CCDC187: variants seen among roughly 807,000 people sequenced by gnomAD.
CCDC187 encodes the protein coiled-coil domain-containing protein 187.
In CCDC187, 32 loss-of-function variants were observed where a neutral mutation model predicts 38.0. The observed-to-expected ratio is 0.84, with a 90% CI of 0.64 to 1.13. CCDC187 has a LOEUF of 1.13. Among genes scored for constraint, CCDC187 ranks in the 50% most tolerant of loss-of-function variants. The probability of loss-of-function intolerance (pLI) is 0.00; values close to 1 mark genes in which losing one functional copy is unlikely to be tolerated. For missense variants in CCDC187, 707 were observed against 786.8 expected (o/e 0.90, Z 1.21); for synonymous variants, 333 against 347.9 (o/e 0.96, Z 0.48).
In CCDC187 at chr9:136,254,196, T is replaced by C. The variant is rs1830584066; in HGVS notation, c.5632A>G (p.Ile1878Val). 1 of 985,178 alleles carries C rather than the reference T, an allele frequency of 1.0e-6. No homozygotes were observed. The highest frequency in any genetic ancestry group is 1.7e-5 in the African/African-American group (1 of 57,144). 61.0% of individuals were successfully genotyped at this position (985,178 alleles called of 1,614,324 possible). The part of the protein sequence containing the change: ...EAAGVVFPLQ[I>V]SSAGDSDSLL... ...GAGTCCGAGTCACCGGCAGAAGAGA[T>C]TTGCAGCGGGAACACCACACCGGCG... Residue 1878 changes from isoleucine (I) to valine (V), a missense_variant, in exon 26 of 26, where the codon ATC becomes GTC. Physicochemically the swap from Ile to Val is conservative, Grantham distance 29 (BLOSUM62 3). Coordinates refer to ENST00000638797, the MANE Select transcript of CCDC187 (RefSeq NM_001378188.1).
chr9:136,291,683 G>A (rs990581652), intron 5 of CCDC187, 38 bp from the exon 6 acceptor site: 19 of 398,590 alleles, frequency 4.8e-5, no homozygotes, highest in East Asian at 1.8e-4. Flanking sequence ...GGAGGGGAGC[G>A]GAGGGGAGAG....
At chr9:136,267,325 G>A (rs1395523207) in intron 16 of CCDC187, 59 bp downstream of exon 16, 1 of 976,870 alleles carries the variant, frequency 1.0e-6, no homozygotes, top group African/African-American at 1.8e-5. Flanking sequence ...CAGCAGGGCG[G>A]GGCTACAGCA....
intron 7 of CCDC187, among the ~76,000 whole-genome samples, chr9:136,287,741 G>T (rs1334008604): frequency 1.3e-5 from 2 of 152,218 alleles, no homozygotes; most frequent in African/African-American, 2.4e-5. Context: ...TCCTGCTCAC[G>T]TGAGGGTCCT....
Position 136,291,321 on chromosome 9 carries a change from G to C in CCDC187, c.1292C>G (p.Thr431Arg). The change falls in exon 6 of 26, where the codon ACA becomes AGA. Residue 431 changes from threonine (T) to arginine (R), a missense_variant. Coordinates refer to ENST00000638797, the MANE Select transcript of CCDC187 (RefSeq NM_001378188.1). ...SSFSKSPWAM[T>R]ERKHSSLERA... is the part of the protein sequence containing the mutation. ...CTCTAAAGAGGAATGCTTCCTCTCT[G>C]TCATGGCCCAGGGACTCTTAGAGAA... 1 of 398,746 alleles carries C rather than the reference G, an allele frequency of 2.5e-6. No homozygotes were observed. Among genetic ancestry groups the C allele is most frequent in the Middle Eastern group, 6.3e-4 (1 of 1,590 alleles). 24.7% of individuals were successfully genotyped at this position (398,746 alleles called of 1,614,324 possible).
At chr9:136,275,051 C>T (rs1002936108) in intron 12 of CCDC187, 44 bp from the exon 13 acceptor site, 4 of 152,602 alleles carry the variant, frequency 2.6e-5, no homozygotes, top group Non-Finnish European at 5.9e-5. Context: ...CAGGAGGCGG[C>T]TCCACAATTG....
rs533681154 is a variant in CCDC187 at position 136,264,858 on chromosome 9, C to T, written c.3736-1060G>A. Among the ~76,000 whole-genome samples, 1 of 152,090 alleles carries T rather than the reference C, an allele frequency of 6.6e-6. No homozygotes were observed. The highest frequency in any genetic ancestry group is 2.4e-5 in the African/African-American group (1 of 41,414). Reference sequence around the variant, plus strand: ...GCAGCCTTGACCTCCCAAGCTCAAGCAATCCTCCCATCTCAGTCCACCAAA... The same window carrying T: ...GCAGCCTTGACCTCCCAAGCTCAAGTAATCCTCCCATCTCAGTCCACCAAA... On this transcript the variant is annotated intron_variant, in intron 17 of 25. Coordinates refer to ENST00000638797, the MANE Select transcript of CCDC187 (RefSeq NM_001378188.1). The surrounding 1 kb of genome is among the most constrained non-coding windows in gnomAD (Gnocchi z 4.3).
chr9:136,306,026 C>T (rs976039775), upstream of CCDC187, among the ~76,000 whole-genome samples: 4 of 152,226 alleles, frequency 2.6e-5, no homozygotes, highest in Non-Finnish European at 4.4e-5. Flanking sequence ...CACCGGCTGG[C>T]GCCCCTGCCC....
At chr9:136,256,101 GT>G (rs1327185203) in intron 24 of CCDC187, 109 bp downstream of exon 24, 1 of 477,898 alleles carries the variant, frequency 2.1e-6, no homozygotes, top group Admixed American at 6.4e-5. Context: ...GGCAGCACAG[GT>G]GTGCCAGGAG....
chr9:136,265,593 G>T (rs1233186268), intron 17 of CCDC187: 1 of 152,242 alleles, frequency 6.6e-6, no homozygotes, highest in African/African-American at 2.4e-5. Flanking sequence ...TTATTCTCTG[G>T]TTCCAAGGAG....
At chr9:136,263,567 T>C (rs2131148765) in intron 18 of CCDC187, 55 bp downstream of exon 18, 1 of 981,204 alleles carries the variant, frequency 1.0e-6, no homozygotes, top group Admixed American at 6.1e-5. Flanking sequence ...TGCACGATCA[T>C]GGGAAGGGGA....
At position 136,267,456 on chromosome 9, in the gene CCDC187, A is replaced by C. The variant is rs932154416; in HGVS notation, c.3575T>G (p.Leu1192Arg). ...EELRAQHQAA[L>R]LRLREMALQE... ...GAGCGCCATCTCTCGCAGGCGCAGC[A>C]GCGCGGCCTGGTGCTGTGCTCGCAG... Residue 1192 changes from leucine to arginine, a missense_variant, in exon 16 of 26, where the codon CTG (leucine) becomes CGG (arginine). Leu to Arg is a moderately radical substitution (Grantham distance 102). Transcript: ENST00000638797. 75 of 985,616 alleles carry C rather than the reference A, an allele frequency of 7.6e-5. No homozygotes were observed. In the African/African-American group the frequency reaches 1.3e-3, roughly 16 times the overall value. 61.1% of individuals were successfully genotyped at this position (985,616 alleles called of 1,614,324 possible).
Position 136,260,368 on chromosome 9 carries a change from C to G in CCDC187, c.4065-104G>C, listed in dbSNP as rs1219943933. The G allele has an allele frequency of 1.3e-5, 11 of 877,902 alleles. No individual in the cohort carries two copies. The African/African-American group carries it at 2.0e-4, about 16-fold the overall frequency. 54.4% of individuals were successfully genotyped at this position (877,902 alleles called of 1,614,324 possible). A position where few individuals can be genotyped will look rare whatever the true frequency, so the allele number is the denominator to read the frequency against. On this transcript the variant is annotated intron_variant, in intron 19 of 25. Coordinates refer to ENST00000638797, the MANE Select transcript of CCDC187 (RefSeq NM_001378188.1). ...ACCAGCACCCTCTCCCTGGGAACAA[C>G]CTCATGTCACATCCAGGGATGGCTG...
chr9:136,290,226 C>T (rs1355421242), intron 6 of CCDC187, among the ~76,000 whole-genome samples, 173 bp from the exon 7 acceptor site: 1 of 152,136 alleles, frequency 6.6e-6, no homozygotes, highest in Non-Finnish European at 1.5e-5. Context: ...GGGGGTCCCT[C>T]CGGAGCCCCG....
intron 2 of CCDC187, among the ~76,000 whole-genome samples, chr9:136,300,621 G>A (rs966177792): frequency 0.012 from 1,776 of 150,854 alleles, 18 homozygotes; most frequent in Middle Eastern, 0.038. Context: ...TTTCTGAGGC[G>A]GAGACTAGCT....
rs112827163 is a variant in CCDC187, at chr9:136,253,773, G to A, written c.6055C>T (p.Pro2019Ser). The change falls in exon 26 of 26, where the codon CCC (proline) becomes TCC (serine). Residue 2019 changes from proline (P) to serine (S), a missense_variant. Transcript: ENST00000638797. ...TCTTCACCATCACTCTGTGCTTGGG[G>A]AGTGGGAGGAGGTGGGGGTAGGGGG... Reference protein sequence around the residue: ...EAPLPPPPPTPQAQSDGEDTN... With the variant: ...EAPLPPPPPTSQAQSDGEDTN... 2,032 of 985,568 alleles carry A rather than the reference G, an allele frequency of 2.1e-3. 2 individuals are homozygous for A. The highest frequency in any genetic ancestry group is 2.3e-3 in the Non-Finnish European group (1,898 of 829,980). 61.1% of individuals were successfully genotyped at this position (985,568 alleles called of 1,614,324 possible).
chr9:136,291,340 T>C lies in CCDC187; in HGVS notation c.1273A>G (p.Lys425Glu). The C allele has an allele frequency of 2.5e-6, 1 of 398,818 alleles. No homozygotes were observed. The highest frequency in any genetic ancestry group is 4.4e-6 in the Non-Finnish European group (1 of 226,198). 24.7% of individuals were successfully genotyped at this position (398,818 alleles called of 1,614,324 possible). ...RDPNAQSSFS[K>E]SPWAMTERKH... ...CTCTCTGTCATGGCCCAGGGACTCT[T>C]AGAGAAGGAGCTCTGGGCATTGGGG... The change falls in exon 6 of 26, where the codon AAG (lysine) becomes GAG (glutamate). Residue 425 changes from lysine (K) to glutamate (E), a missense_variant. Lys to Glu is a moderately conservative substitution (Grantham distance 56). Transcript: ENST00000638797.
In CCDC187 at chr9:136,286,530, C is replaced by T. The variant is rs1377146382; in HGVS notation, c.2388G>A (p.Gly796=). 5.8e-5 allele frequency: 23 copies of T among 398,558 alleles called. No individual in the cohort carries two copies. The highest frequency in any genetic ancestry group is 9.7e-5 in the Non-Finnish European group (22 of 226,116). 24.7% of individuals were successfully genotyped at this position (398,558 alleles called of 1,614,324 possible). A position where few individuals can be genotyped will look rare whatever the true frequency, so the allele number is the denominator to read the frequency against. Residue 796 remains glycine, a synonymous_variant, in exon 8 of 26, where the codon GGG becomes GGA. Coordinates refer to ENST00000638797, the MANE Select transcript of CCDC187 (RefSeq NM_001378188.1). ...QDLTTRYLPR[G]MCIYLDPKEA... ...CCTTTGGGTCCAGGTAGATGCACATCCCCCGGGGTAGGTAGCGGGTGGTCA... is the reference window on the plus strand; with the variant it reads ...CCTTTGGGTCCAGGTAGATGCACATTCCCCGGGGTAGGTAGCGGGTGGTCA...
chr9:136,290,259 C>G (rs1831285744), intron 6 of CCDC187, among the ~76,000 whole-genome samples: 1 of 150,376 alleles, frequency 6.6e-6, no homozygotes, highest in African/African-American at 2.4e-5. Flanking sequence ...GCAAAGGCGC[C>G]CAGGTCTGAC....
chr9:136,253,881 C>G lies in CCDC187; in HGVS notation c.5947G>C (p.Val1983Leu). The G allele has an allele frequency of 1.0e-6, 1 of 985,462 alleles. No individual in the cohort carries two copies. Among genetic ancestry groups the G allele is most frequent in the Non-Finnish European group, 1.2e-6 (1 of 829,974 alleles). 61.0% of individuals were successfully genotyped at this position (985,462 alleles called of 1,614,324 possible). A position where few individuals can be genotyped will look rare whatever the true frequency, so the allele number is the denominator to read the frequency against. Residue 1983 changes from valine (V) to leucine (L), a missense_variant, in exon 26 of 26, where the codon GTC becomes CTC. Val to Leu is a conservative substitution (Grantham distance 32, BLOSUM62 1). Coordinates refer to ENST00000638797, the MANE Select transcript of CCDC187 (RefSeq NM_001378188.1). ...EEACPLLAGD[V>L]LTEILSPVDE... Reference sequence around the variant, plus strand: ...ACGGGAGACAGGATCTCAGTCAAGACGTCACCGGCAAGTAGGGGACAGGCT... The same window carrying G: ...ACGGGAGACAGGATCTCAGTCAAGAGGTCACCGGCAAGTAGGGGACAGGCT...
Sources: gnomAD v4.1 joint callset for allele counts (sites outside exome capture counted in the v4.1 genomes callset) on GRCh38, gnomAD v4.1.1 for gene constraint, Gnocchi (gnomAD v3.1) non-coding constraint, MANE v1.5 for transcripts, NCBI Gene and HGNC (gene_info 2026-07-23, HGNC 2026-07-21) for gene names.